C9orf85: variants seen among roughly 807,000 people sequenced by gnomAD.
C9orf85 encodes the protein chromosome 9 open reading frame 85.
Under a neutral mutation model 14.9 loss-of-function variants are expected in C9orf85, and 16 were observed. That is an observed-to-expected ratio of 1.08 (90% CI 0.73 to 1.63). The LOEUF (loss-of-function observed/expected upper bound fraction) is 1.63. Ranked by LOEUF, C9orf85 falls within the 40% of genes most tolerant of loss-of-function variation. The pLI is 0.00. For missense variants in C9orf85, 172 were observed against 186.1 expected (o/e 0.92, Z 0.44); for synonymous variants, 45 against 56.8 (o/e 0.79, Z 0.93).
chr9:71,931,216 G>A (rs1329130457), intron 1 of C9orf85, among the ~76,000 whole-genome samples: 2 of 152,162 alleles, frequency 1.3e-5, no homozygotes, highest in South Asian at 2.1e-4. Flanking sequence ...CTTTTGATAC[G>A]TGATTTTGGA....
chr9:71,968,159 G>A (rs376188368), intron 2 of C9orf85, among the ~76,000 whole-genome samples: 7 of 151,914 alleles, frequency 4.6e-5, no homozygotes, highest in East Asian at 3.9e-4. Context: ...GTGAGCAAGC[G>A]TGTGTGCAAG....
chr9:71,956,145 A>G (rs993867414), intron 2 of C9orf85, among the ~76,000 whole-genome samples: 3 of 152,090 alleles, frequency 2.0e-5, no homozygotes, highest in Admixed American at 2.0e-4. Flanking sequence ...ACATCTGAAC[A>G]TTATATGCCT....
intron 2 of C9orf85, among the ~76,000 whole-genome samples, chr9:71,947,620 C>T (rs114410581): frequency 0.016 from 2,381 of 151,918 alleles, 62 homozygotes; most frequent in African/African-American, 0.054. Context: ...TCTGATCCTG[C>T]CATCCCTAAA....
At chr9:71,979,413 G>A (rs1438466627) in intron 3 of C9orf85, among the ~76,000 whole-genome samples, 2 of 152,108 alleles carry the variant, frequency 1.3e-5, no homozygotes. Context: ...ATACTTTTTG[G>A]TTGAGACATT....
intron 1 of C9orf85, among the ~76,000 whole-genome samples, chr9:71,943,781 T>C (rs1304444731): frequency 5.9e-5 from 9 of 151,716 alleles, no homozygotes; most frequent in Non-Finnish European, 1.3e-4. Flanking sequence ...TCTCAGGTGA[T>C]CTGCCTGCCT....
intron 3 of C9orf85, among the ~76,000 whole-genome samples, chr9:71,982,206 T>C (rs910168604): frequency 6.6e-6 from 1 of 152,176 alleles, no homozygotes; most frequent in African/African-American, 2.4e-5. Context: ...GGTAGAGCCA[T>C]GTTAAAACAT....
chr9:71,982,038 C>T (rs1564105147), intron 3 of C9orf85, among the ~76,000 whole-genome samples: 2 of 152,162 alleles, frequency 1.3e-5, no homozygotes, highest in South Asian at 2.1e-4. Flanking sequence ...ATCCCTCATG[C>T]TCATTTGTAG....
At chr9:71,971,073 A>G (rs997414420) in intron 2 of C9orf85, among the ~76,000 whole-genome samples, 3 of 152,166 alleles carry the variant, frequency 2.0e-5, no homozygotes, top group South Asian at 2.1e-4. Context: ...AAGTCTTTTC[A>G]TATAAAATAT....
At position 71,978,619 on chromosome 9, in the gene C9orf85, T is replaced by C. The variant is rs552637080; in HGVS notation, c.324-4038T>C. On this transcript the variant is annotated intron_variant, in intron 3 of 3. Transcript: ENST00000377031. The stretch of plus-strand genomic sequence containing the variant: ...TAGACATCAGAATAGTGGTTATCTT[T>C]GGGGAGGTGGTATTGACTGGGAATG... Among the ~76,000 whole-genome samples, 5 of 152,268 alleles carry C rather than the reference T, an allele frequency of 3.3e-5. No homozygotes were observed. In the East Asian group the frequency reaches 9.7e-4, roughly 29 times the overall value.
intron 1 of C9orf85, among the ~76,000 whole-genome samples, chr9:71,936,797 G>T (rs535421569): frequency 6.8e-6 from 1 of 147,722 alleles, no homozygotes; most frequent in Non-Finnish European, 1.5e-5. Context: ...TTTGAGACAG[G>T]GTCTCACTCT....
chr9:71,947,900 C>T (rs1199422444), intron 2 of C9orf85, among the ~76,000 whole-genome samples: 2 of 152,202 alleles, frequency 1.3e-5, no homozygotes, highest in African/African-American at 4.8e-5. Context: ...CCCGCCTAGG[C>T]CTCCCAAAGT....
rs1822508668 is a variant in C9orf85, at chr9:71,961,137, C to T, written c.210-10368C>T. Among the ~76,000 whole-genome samples the T allele has an allele frequency of 3.3e-5, 5 of 151,892 alleles. No individual in the cohort carries two copies. The South Asian group carries it at 1.0e-3, about 32-fold the overall frequency. On this transcript the variant is annotated intron_variant, in intron 2 of 3. Coordinates refer to ENST00000334731, the MANE Select transcript of C9orf85 (RefSeq NM_182505.5). ...ATGTTGGTCAGGCTGGTCTCAAACT[C>T]CGGACCTCAGGTGATCCGCCCACCT...
chr9:71,954,989 ATATTT>A (rs1822347198), intron 2 of C9orf85, among the ~76,000 whole-genome samples: 1 of 152,172 alleles, frequency 6.6e-6, no homozygotes, highest in African/African-American at 2.4e-5. Context: ...GTTAAAGATA[ATATTT>A]TATTAACCAA....
chr9:71,953,688 C>T (rs1822302355), intron 2 of C9orf85, among the ~76,000 whole-genome samples: 1 of 152,194 alleles, frequency 6.6e-6, no homozygotes, highest in African/African-American at 2.4e-5. Context: ...CCTATTCATA[C>T]TTCATTGCAT....
chr9:71,965,231 G>A (rs984101142), intron 2 of C9orf85, among the ~76,000 whole-genome samples: 7 of 152,162 alleles, frequency 4.6e-5, no homozygotes, highest in African/African-American at 1.4e-4. Flanking sequence ...CTCCCACTGC[G>A]CTCTCAGGCA....
chr9:71,963,222 T>C (rs1335885924), intron 2 of C9orf85, among the ~76,000 whole-genome samples: 1 of 152,188 alleles, frequency 6.6e-6, no homozygotes, highest in Non-Finnish European at 1.5e-5. Flanking sequence ...TAGTATCCAT[T>C]ATAAAAAATG....
intron 2 of C9orf85, among the ~76,000 whole-genome samples, chr9:71,957,584 T>A (rs1472683708): frequency 1.3e-5 from 2 of 152,212 alleles, no homozygotes; most frequent in South Asian, 4.1e-4. Flanking sequence ...CTATGTGTAG[T>A]TTATTTGAAA....
At chr9:71,912,269 C>G (rs1437904543) in intron 1 of C9orf85, among the ~76,000 whole-genome samples, 1 of 152,114 alleles carries the variant, frequency 6.6e-6, no homozygotes, top group Non-Finnish European at 1.5e-5. Flanking sequence ...ATTAAGCTGT[C>G]TTAGGCTGTC....
chr9:71,955,106 A>G (rs1822350995), intron 2 of C9orf85, among the ~76,000 whole-genome samples: 1 of 152,196 alleles, frequency 6.6e-6, no homozygotes, highest in South Asian at 2.1e-4. Context: ...CAATGAAGAC[A>G]AATTAGTGGA....
Sources: allele counts gnomAD v4.1 joint callset (sites outside exome capture counted in the v4.1 genomes callset), GRCh38; gene constraint gnomAD v4.1.1; transcripts MANE v1.5; gene names NCBI Gene and HGNC (gene_info 2026-07-23, HGNC 2026-07-21).